The following SYBU variants were observed in gnomAD, a reference collection of about 807,000 sequenced individuals.
SYBU encodes syntabulin.
In SYBU, 21 loss-of-function variants were observed where a neutral mutation model predicts 35.9. The ratio of observed to expected loss-of-function variants is 0.58; its 90% CI spans 0.41 to 0.84. The LOEUF is 0.84. Ranked by LOEUF, SYBU falls within the 40% of genes least tolerant of loss-of-function variation. The pLI, the probability that SYBU is intolerant of heterozygous loss-of-function variation, is 0.00. For missense variants in SYBU, 768 were observed against 848.2 expected, an observed-to-expected ratio of 0.91 and a Z score of 1.17; for synonymous variants, 319 against 324.3, an observed-to-expected ratio of 0.98 and a Z score of 0.18.
chr8:109,670,133 A>T (rs1816924183), intron 1 of SYBU, among the ~76,000 whole-genome samples: 2 of 152,026 alleles, frequency 1.3e-5, no homozygotes, highest in Admixed American at 6.5e-5. Context: ...TGATGTAGAA[A>T]TTAGCTTCTG....
intron 2 of SYBU, among the ~76,000 whole-genome samples, chr8:109,623,624 T>C (rs1259519023): frequency 6.6e-6 from 1 of 152,222 alleles, no homozygotes; most frequent in Non-Finnish European, 1.5e-5. Flanking sequence ...AAAATCTATA[T>C]TTCCTCTCTC....
intron 1 of SYBU, among the ~76,000 whole-genome samples, chr8:109,679,839 C>T (rs965913960): frequency 6.6e-6 from 1 of 152,192 alleles, no homozygotes; most frequent in Non-Finnish European, 1.5e-5. Flanking sequence ...TTAACTGGTA[C>T]CCACTTAATG....
In SYBU at chr8:109,644,725, A is replaced by T; in HGVS notation, c.-66T>A. On this transcript the variant is annotated 5_prime_UTR_variant, in exon 1 of 7. Coordinates refer to ENST00000276646, the MANE Select transcript of SYBU (RefSeq NM_001099754.2). ...CGTCCAGGAGGAGGCACCTGCGAGC[A>T]CGGAGCGAGGAGACTGCGCTGAGCC... The T allele has an allele frequency of 6.9e-7, 1 of 1,444,598 alleles. No individual in the cohort carries two copies. Among genetic ancestry groups the T allele is most frequent in the Non-Finnish European group, 9.1e-7 (1 of 1,104,080 alleles). 89.5% of individuals were successfully genotyped at this position (1,444,598 alleles called of 1,614,324 possible). A position where few individuals can be genotyped will look rare whatever the true frequency, so the allele number is the denominator to read the frequency against.
intron 1 of SYBU, among the ~76,000 whole-genome samples, chr8:109,690,995 G>T (rs544880904): frequency 6.6e-6 from 1 of 152,276 alleles, no homozygotes; most frequent in Non-Finnish European, 1.5e-5. Flanking sequence ...AGAACAACCA[G>T]TAAAGGGAGA....
chr8:109,622,389 A>C (rs1812524084), intron 2 of SYBU, among the ~76,000 whole-genome samples: 1 of 151,926 alleles, frequency 6.6e-6, no homozygotes, highest in Non-Finnish European at 1.5e-5. Context: ...GTACCACCCA[A>C]ACTCAGCTAA....
intron 3 of SYBU, among the ~76,000 whole-genome samples, chr8:109,609,802 T>C (rs1435054194): frequency 6.6e-6 from 1 of 152,110 alleles, no homozygotes; most frequent in African/African-American, 2.4e-5. Context: ...AAAAATCTCA[T>C]TAGGAAAATT....
At chr8:109,603,321 G>A (rs963398411) in intron 3 of SYBU, 1 of 752,726 alleles carries the variant, frequency 1.3e-6, no homozygotes, top group Admixed American at 6.3e-5. Flanking sequence ...ATCCTGGTGT[G>A]GTTTATAGCA....
chr8:109,648,386 G>A (rs1379908776), upstream of SYBU, among the ~76,000 whole-genome samples: 1 of 151,032 alleles, frequency 6.6e-6, no homozygotes, highest in East Asian at 1.9e-4. Flanking sequence ...TAAGTTACTT[G>A]ATTGTTTATG....
chr8:109,678,088 C>G (rs1817256630), intron 1 of SYBU, among the ~76,000 whole-genome samples: 1 of 133,296 alleles, frequency 7.5e-6, no homozygotes, highest in Admixed American at 8.6e-5. Flanking sequence ...GAGCTGAGAT[C>G]GCGCCATTGC....
intron 1 of SYBU, among the ~76,000 whole-genome samples, chr8:109,675,958 A>G (rs916199782): frequency 2.0e-5 from 3 of 152,246 alleles, no homozygotes; most frequent in Non-Finnish European, 4.4e-5. Flanking sequence ...AGTTGGTTTC[A>G]TCCCTGGGAT....
At position 109,691,392 on chromosome 8, in the gene SYBU, G is replaced by A. The variant is rs558925081; in HGVS notation, c.-117C>T. 7 of 692,948 alleles carry A rather than the reference G, an allele frequency of 1.0e-5. No individual in the cohort carries two copies. The highest frequency in any genetic ancestry group is 9.0e-5 in the South Asian group (6 of 66,534). The allele number at this position is 692,948 out of a possible 1,614,324, so 42.9% of individuals were successfully genotyped here. A position where few individuals can be genotyped will look rare whatever the true frequency, so the allele number is the denominator to read the frequency against. ...CAGGAGGAGGCACCTACGTGCGCCC[G>A]GGAGACCGGGCCCCGGCTGGGCCGG... On this transcript the variant is annotated 5_prime_UTR_variant, in exon 1 of 8. Coordinates refer to the SYBU transcript ENST00000422135. The surrounding 1 kb of genome is among the most constrained non-coding windows in gnomAD (Gnocchi z 4.7).
chr8:109,651,551 A>G (rs532101471), intron 1 of SYBU, among the ~76,000 whole-genome samples: 1 of 151,498 alleles, frequency 6.6e-6, no homozygotes, highest in Non-Finnish European at 1.5e-5. Flanking sequence ...CATTAGCTAA[A>G]AAGGAAAGAA....
chr8:109,640,953 A>G (rs1292327722), intron 2 of SYBU, among the ~76,000 whole-genome samples: 1 of 152,160 alleles, frequency 6.6e-6, no homozygotes, highest in Admixed American at 6.5e-5. Flanking sequence ...TGTAGCTGTG[A>G]GCCCTAAATG....
chr8:109,690,339 A>G (rs913101809), intron 1 of SYBU, among the ~76,000 whole-genome samples: 1 of 152,186 alleles, frequency 6.6e-6, no homozygotes. Context: ...AGGGCGCCCT[A>G]TGGGGAGGAA....
intron 2 of SYBU, among the ~76,000 whole-genome samples, chr8:109,631,396 C>T (rs899059148): frequency 2.0e-5 from 3 of 152,140 alleles, no homozygotes; most frequent in Non-Finnish European, 4.4e-5. Flanking sequence ...AATCACTTCA[C>T]GGATAAACAT....
chr8:109,608,222 T>G, intron 3 of SYBU: 1 of 416,982 alleles, frequency 2.4e-6, no homozygotes, highest in Non-Finnish European at 4.2e-6. Context: ...ACACAAAGGA[T>G]TTGAAGAAAT....
intron 3 of SYBU, among the ~76,000 whole-genome samples, chr8:109,618,482 G>A (rs1258903199): frequency 6.6e-6 from 1 of 152,162 alleles, no homozygotes; most frequent in Non-Finnish European, 1.5e-5. Context: ...TCTCTTCACG[G>A]TTTGTGGTCA....
chr8:109,639,279 G>T (rs1279269424), intron 2 of SYBU, among the ~76,000 whole-genome samples: 1 of 151,434 alleles, frequency 6.6e-6, no homozygotes, highest in African/African-American at 2.5e-5. Flanking sequence ...TCAAAATAAA[G>T]TATAATTCTT....
intron 1 of SYBU, among the ~76,000 whole-genome samples, chr8:109,677,308 T>C (rs1458094367): frequency 6.6e-6 from 1 of 152,250 alleles, no homozygotes; most frequent in Admixed American, 6.5e-5. Context: ...TTCTGTGGTA[T>C]ATTTTCCAAT....
Sources: gnomAD v4.1 joint callset for allele counts (sites outside exome capture counted in the v4.1 genomes callset) on GRCh38, gnomAD v4.1.1 for gene constraint, Gnocchi (gnomAD v3.1) non-coding constraint, MANE v1.5 for transcripts, NCBI Gene and HGNC (gene_info 2026-07-23, HGNC 2026-07-21) for gene names.